Variants in AEBP1 observed in about 807,000 individuals in gnomAD.
AEBP1 encodes the protein adipocyte enhancer-binding protein 1.
A neutral mutation model predicts 116.5 loss-of-function variants in AEBP1; 69 were observed. The ratio of observed to expected loss-of-function variants is 0.59; its 90% CI spans 0.49 to 0.72. AEBP1 has a LOEUF of 0.72. AEBP1 is among the 30% of genes least tolerant of loss of function. The pLI, the probability that AEBP1 is intolerant of heterozygous loss-of-function variation, is 0.00. For synonymous variants in AEBP1, 627 were observed against 627.3 expected, an observed-to-expected ratio of 1.00 and a Z score of 0.01; for missense variants, 1,444 against 1,557.5, an observed-to-expected ratio of 0.93 and a Z score of 1.23.
In AEBP1 at chr7:44,113,195, A is replaced by G; in HGVS notation, c.2710-57A>G. ...ACAGGCTCCTGGATGGGCGGGAGGGAGCAGCGGACCACATTGGACCTTCCT... is the reference window on the plus strand; with the variant it reads ...ACAGGCTCCTGGATGGGCGGGAGGGGGCAGCGGACCACATTGGACCTTCCT... On this transcript the variant is annotated intron_variant, in intron 19 of 20. Coordinates refer to ENST00000223357, the MANE Select transcript of AEBP1 (RefSeq NM_001129.5). The surrounding 1 kb of genome is among the most constrained non-coding windows in gnomAD (Gnocchi z 5.3). 1 of 1,612,898 alleles carries G rather than the reference A, an allele frequency of 6.2e-7. No homozygotes were observed. The highest frequency in any genetic ancestry group is 8.5e-7 in the Non-Finnish European group (1 of 1,179,414).
rs556336163 is a variant in AEBP1, at chr7:44,114,105, C to T, written c.3321C>T (p.Pro1107=). ...CCGAGTTTGGGACCAAGGTGGAGCC[C>T]GAGTTTGAGACCCAGTTGGAGCCTG... is the stretch of plus-strand genomic sequence containing the variant. ...VEPEFGTKVE[P]EFETQLEPEF... The change falls in exon 21 of 21, where the codon CCC becomes CCT. Residue 1107 remains proline, a synonymous_variant. Coordinates refer to ENST00000223357, the MANE Select transcript of AEBP1 (RefSeq NM_001129.5). 3 of 1,613,736 alleles carry T rather than the reference C, an allele frequency of 1.9e-6. No homozygotes were observed. The highest frequency in any genetic ancestry group is 2.5e-6 in the Non-Finnish European group (3 of 1,179,924).
chr7:44,110,869 T>A, intron 12 of AEBP1, 44 bp from the exon 13 acceptor site: 1 of 1,613,106 alleles, frequency 6.2e-7, no homozygotes, highest in East Asian at 2.2e-5. Context: ...GGGTGGGCTC[T>A]CAGAGGGGCT....
In AEBP1 at chr7:44,109,318, A is replaced by T. The variant is rs1267526011; in HGVS notation, c.1127A>T (p.Glu376Val). 1.9e-5 allele frequency: 28 copies of T among 1,483,976 alleles called. No homozygotes were observed. The highest frequency in any genetic ancestry group is 2.4e-5 in the Non-Finnish European group (27 of 1,103,034). 91.9% of individuals were successfully genotyped at this position (1,483,976 alleles called of 1,614,324 possible). ...EPRKGEELEE[E>V]WTPTEKVKCP... ...CGAAAGGGCGAGGAGTTGGAGGAGG[A>T]GTGGACGCCTACGGAGAAAGTCAGT... The change falls in exon 9 of 21, where the codon GAG becomes GTG. Residue 376 changes from glutamate (E) to valine (V), a missense_variant. Physicochemically the swap from Glu to Val is moderately radical, Grantham distance 121 (BLOSUM62 -2). Transcript: ENST00000223357.
Position 44,113,388 on chromosome 7 carries a change from G to C in AEBP1, c.2809+37G>C, listed in dbSNP as rs1338717011. The C allele has an allele frequency of 6.4e-7, 1 of 1,572,092 alleles. No homozygotes were observed. The highest frequency in any genetic ancestry group is 8.7e-7 in the Non-Finnish European group (1 of 1,154,706). On this transcript the variant is annotated intron_variant, in intron 20 of 20. Transcript: ENST00000223357. This position sits in a 1 kb window ranked among gnomAD's most constrained non-coding sequence, Gnocchi z 5.3. ...GCACACCTTTACCCCATCTTTCTGAGGGAGGACCCGCCAGAGAGGGTGGGG... is the reference window on the plus strand; with the variant it reads ...GCACACCTTTACCCCATCTTTCTGACGGAGGACCCGCCAGAGAGGGTGGGG...
In AEBP1 at chr7:44,113,827, C is replaced by A; in HGVS notation, c.3043C>A (p.Gln1015Lys). 2 of 1,613,954 alleles carry A rather than the reference C, an allele frequency of 1.2e-6. No homozygotes were observed. Among genetic ancestry groups the A allele is most frequent in the South Asian group, 1.1e-5 (1 of 91,074 alleles). ...IDPSRPMTPQ[Q>K]RRLQQRRLQH... is the part of the protein sequence containing the mutation. ...CCCATCGCGCCCTATGACCCCCCAA[C>A]AGCGACGCCTGCAGCAGCGACGCCT... The change falls in exon 21 of 21, where the codon CAG becomes AAG. Residue 1015 changes from glutamine (Q) to lysine (K), a missense_variant. Transcript: ENST00000223357. This position sits in a 1 kb window ranked among gnomAD's most constrained non-coding sequence, Gnocchi z 5.3.
chr7:44,104,979 A>G, intron 1 of AEBP1, 61 bp downstream of exon 1: 1 of 1,355,504 alleles, frequency 7.4e-7, no homozygotes, highest in Non-Finnish European at 9.9e-7. Context: ...GAACAGGGGG[A>G]TTCGGTAGGG....
chr7:44,113,866 C>T lies in AEBP1; in HGVS notation c.3082C>T (p.Arg1028Trp). Reference protein sequence around the residue: ...LQQRRLQHRLRLRAQMRLRRL... With the variant: ...LQQRRLQHRLWLRAQMRLRRL... ...GCAGCGACGCCTACAACACCGCCTG[C>T]GGCTTCGGGCACAGATGCGGCTGCG... The change falls in exon 21 of 21, where the codon CGG becomes TGG. Residue 1028 changes from arginine (R) to tryptophan (W), a missense_variant. By Grantham distance (101) the Arg-to-Trp change is moderately radical (BLOSUM62 -3). Coordinates refer to ENST00000223357, the MANE Select transcript of AEBP1 (RefSeq NM_001129.5). The surrounding 1 kb of genome is among the most constrained non-coding windows in gnomAD (Gnocchi z 5.3). 6.2e-7 allele frequency: 1 copy of T among 1,613,664 alleles called. No homozygotes were observed.
chr7:44,112,187 G>A lies in AEBP1; in HGVS notation c.2083G>A (p.Gly695Ser). The change falls in exon 17 of 21, where the codon GGC (glycine) becomes AGC (serine). Residue 695 changes from glycine to serine, a missense_variant. Transcript: ENST00000223357. This position sits in a 1 kb window ranked among gnomAD's most constrained non-coding sequence, Gnocchi z 6.6. ...NWALGLWTEE[G>S]FDIFEDFPDL... ...GGCGCTGGGACTGTGGACTGAGGAG[G>A]GCTTTGACATCTTTGAAGATTTCCC... 3 of 1,607,212 alleles carry A rather than the reference G, an allele frequency of 1.9e-6. No individual in the cohort carries two copies. Among genetic ancestry groups the A allele is most frequent in the Non-Finnish European group, 2.6e-6 (3 of 1,174,526 alleles).
In AEBP1 at chr7:44,111,643, G is replaced by A; in HGVS notation, c.1840+13G>A. 1 of 1,610,792 alleles carries A rather than the reference G, an allele frequency of 6.2e-7. No individual in the cohort carries two copies. The highest frequency in any genetic ancestry group is 8.5e-7 in the Non-Finnish European group (1 of 1,179,088). ...GAGCATGAACTGGGTGAGGGTCTGT[G>A]GGGGCCAGCAGCTGGCCTCTGCTGC... On this transcript the variant is annotated intron_variant, in intron 15 of 20. Transcript: ENST00000223357. This position sits in a 1 kb window ranked among gnomAD's most constrained non-coding sequence, Gnocchi z 4.7.
At position 44,104,683 on chromosome 7, in the gene AEBP1, G is replaced by A; in HGVS notation, c.18G>A (p.Gly6=). MAAVR[G]APLLSCLLAL... ...CCGCGGCCATGGCGGCCGTGCGCGG[G>A]GCGCCCCTGCTCAGCTGCCTCCTGG... The change falls in exon 1 of 21, where the codon GGG becomes GGA. Residue 6 remains glycine, a synonymous_variant. Coordinates refer to ENST00000223357, the MANE Select transcript of AEBP1 (RefSeq NM_001129.5). The A allele has an allele frequency of 1.3e-6, 2 of 1,550,916 alleles. No individual in the cohort carries two copies. The highest frequency in any genetic ancestry group is 1.7e-6 in the Non-Finnish European group (2 of 1,150,506).
At position 44,110,784 on chromosome 7, in the gene AEBP1, T is replaced by G. The variant is rs749553007; in HGVS notation, c.1460T>G (p.Met487Arg). ...GFSNDSQTWV[M>R]YTNGYEEMTF... The stretch of plus-strand genomic sequence containing the variant: ...AGCAATGACAGCCAGACATGGGTGA[T>G]GTACACCAACGGCTATGAGGAAATG... Residue 487 changes from methionine to arginine, a missense_variant, in exon 12 of 21, where the codon ATG (methionine) becomes AGG (arginine). Coordinates refer to ENST00000223357, the MANE Select transcript of AEBP1 (RefSeq NM_001129.5). 1.3e-6 allele frequency: 2 copies of G among 1,545,294 alleles called. No homozygotes were observed. Among genetic ancestry groups the G allele is most frequent in the African/African-American group, 2.7e-5 (2 of 72,818 alleles).
Position 44,107,793 on chromosome 7 carries a change from C to T in AEBP1, c.740-16C>T, listed in dbSNP as rs1285600209. Reference sequence around the variant, plus strand: ...TCCCAGCCTTGGGCCCCACTCTGAGCCAGCCTCCCCCTCAGTTGAGTACAT... The same window carrying T: ...TCCCAGCCTTGGGCCCCACTCTGAGTCAGCCTCCCCCTCAGTTGAGTACAT... On this transcript the variant is annotated splice_polypyrimidine_tract_variant and intron_variant, in intron 4 of 20. Coordinates refer to ENST00000223357, the MANE Select transcript of AEBP1 (RefSeq NM_001129.5). This position sits in a 1 kb window ranked among gnomAD's most constrained non-coding sequence, Gnocchi z 4.3. The T allele has an allele frequency of 6.2e-7, 1 of 1,612,164 alleles. No individual in the cohort carries two copies. The highest frequency in any genetic ancestry group is 1.1e-5 in the South Asian group (1 of 91,000).
chr7:44,112,048 A>T lies in AEBP1; in HGVS notation c.2035A>T (p.Met679Leu). The change falls in exon 16 of 21, where the codon ATG becomes TTG. Residue 679 changes from methionine (M) to leucine (L), a missense_variant and splice_region_variant. Transcript: ENST00000223357. The surrounding 1 kb of genome is among the most constrained non-coding windows in gnomAD (Gnocchi z 6.6). The part of the protein sequence containing the change: ...NPDGYEVAAQ[M>L]GSEFGNWALG... ...TGATGGCTACGAGGTGGCAGCGCAG[A>T]TGGTGGGTTGAAGGGTGAGGCTGGC... The T allele has an allele frequency of 6.2e-7, 1 of 1,612,500 alleles. No homozygotes were observed. The highest frequency in any genetic ancestry group is 8.5e-7 in the Non-Finnish European group (1 of 1,178,966).
chr7:44,113,805 A>T lies in AEBP1; in HGVS notation c.3021A>T (p.Pro1007=). The change falls in exon 21 of 21, where the codon CCA becomes CCT. Residue 1007 remains proline (P), a synonymous_variant. Coordinates refer to ENST00000223357, the MANE Select transcript of AEBP1 (RefSeq NM_001129.5). The surrounding 1 kb of genome is among the most constrained non-coding windows in gnomAD (Gnocchi z 5.3). ...ACCGGCCTATCCCACACATAGACCCATCGCGCCCTATGACCCCCCAACAGC... is the reference window on the plus strand; with the variant it reads ...ACCGGCCTATCCCACACATAGACCCTTCGCGCCCTATGACCCCCCAACAGC... ...NGNRPIPHID[P]SRPMTPQQRR... 1 of 1,614,036 alleles carries T rather than the reference A, an allele frequency of 6.2e-7. No individual in the cohort carries two copies. The highest frequency in any genetic ancestry group is 8.5e-7 in the Non-Finnish European group (1 of 1,179,970).
chr7:44,113,112 G>T lies in AEBP1; in HGVS notation c.2691G>T (p.Leu897=), dbSNP rs2096231773. Residue 897 remains leucine (L), a synonymous_variant, in exon 19 of 21, where the codon CTG becomes CTT. Transcript: ENST00000223357. The surrounding 1 kb of genome is among the most constrained non-coding windows in gnomAD (Gnocchi z 5.3). Reference sequence around the variant, plus strand: ...AGTGGGAGAACAACAAGGAGGCGCTGCTCACCTTCATGGAGCAGGTGGGGT... The same window carrying T: ...AGTGGGAGAACAACAAGGAGGCGCTTCTCACCTTCATGGAGCAGGTGGGGT... ...PREWENNKEA[L]LTFMEQVHRG... The T allele has an allele frequency of 2.5e-6, 4 of 1,614,042 alleles. No individual in the cohort carries two copies. Among genetic ancestry groups the T allele is most frequent in the Non-Finnish European group, 3.4e-6 (4 of 1,179,994 alleles).
chr7:44,112,113 C>A lies in AEBP1; in HGVS notation c.2038-29C>A. On this transcript the variant is annotated intron_variant, in intron 16 of 20. Coordinates refer to ENST00000223357, the MANE Select transcript of AEBP1 (RefSeq NM_001129.5). This position sits in a 1 kb window ranked among gnomAD's most constrained non-coding sequence, Gnocchi z 6.6. ...CTGGGGGTTGTGGGGGTGTGGGTAGCCGATGCCTACCCTGCTGGCTCCCCA... is the reference window on the plus strand; with the variant it reads ...CTGGGGGTTGTGGGGGTGTGGGTAGACGATGCCTACCCTGCTGGCTCCCCA... The A allele has an allele frequency of 6.3e-7, 1 of 1,597,916 alleles. No homozygotes were observed. The highest frequency in any genetic ancestry group is 8.6e-7 in the Non-Finnish European group (1 of 1,168,328).
Position 44,107,841 on chromosome 7 carries a change from C to A in AEBP1, c.772C>A (p.Pro258Thr). 6.2e-7 allele frequency: 1 copy of A among 1,611,220 alleles called. No individual in the cohort carries two copies. Among genetic ancestry groups the A allele is most frequent in the Non-Finnish European group, 8.5e-7 (1 of 1,179,268 alleles). ...EYIRRQKQPR[P>T]PPSRRRRPER... Reference sequence around the variant, plus strand: ...CATTCGGCGCCAGAAGCAACCCAGGCCACCCCCAAGCAGAAGGAGGAGGCC... The same window carrying A: ...CATTCGGCGCCAGAAGCAACCCAGGACACCCCCAAGCAGAAGGAGGAGGCC... The change falls in exon 5 of 21, where the codon CCA becomes ACA. Residue 258 changes from proline (P) to threonine (T), a missense_variant. By Grantham distance (38) the Pro-to-Thr change is conservative. Coordinates refer to ENST00000223357, the MANE Select transcript of AEBP1 (RefSeq NM_001129.5). The surrounding 1 kb of genome is among the most constrained non-coding windows in gnomAD (Gnocchi z 4.3).
At chr7:44,106,286 C>T (rs981467007) in intron 1 of AEBP1, 16 of 649,480 alleles carry the variant, frequency 2.5e-5, no homozygotes, top group Non-Finnish European at 4.3e-5. Flanking sequence ...GGATGAGGGC[C>T]TCCCCCTGGG....
At position 44,104,352 on chromosome 7, in the gene AEBP1, C is replaced by A; in HGVS notation, c.-314C>A. On this transcript the variant is annotated 5_prime_UTR_variant, in exon 1 of 21. Transcript: ENST00000223357. ...GCCCCCGCCCCGGGCCCCGCCAGCG[C>A]TTTGGAGACGGCTATCCGCGCGGGA... 1 of 204,170 alleles carries A rather than the reference C, an allele frequency of 4.9e-6. No individual in the cohort carries two copies. The highest frequency in any genetic ancestry group is 9.8e-6 in the Non-Finnish European group (1 of 102,212). The allele number at this position is 204,170 out of a possible 1,614,324, so 12.6% of individuals were successfully genotyped here. A position where few individuals can be genotyped will look rare whatever the true frequency, so the allele number is the denominator to read the frequency against.
Sources: gnomAD v4.1 joint callset for allele counts on GRCh38, gnomAD v4.1.1 for gene constraint, Gnocchi (gnomAD v3.1) non-coding constraint, MANE v1.5 for transcripts, NCBI Gene and HGNC (gene_info 2026-07-23, HGNC 2026-07-21) for gene names.